STAU2: variants seen among roughly 807,000 people sequenced by gnomAD.
STAU2 encodes the protein double-stranded RNA-binding protein Staufen homolog 2.
In STAU2, 20 loss-of-function variants were observed where a neutral mutation model predicts 65.9. The ratio of observed to expected loss-of-function variants is 0.30; its 90% CI spans 0.21 to 0.44. The LOEUF (loss-of-function observed/expected upper bound fraction) is 0.44, where lower values mean the gene tolerates loss of function less well. Ranked by LOEUF, STAU2 falls within the 20% of genes least tolerant of loss-of-function variation. The probability of loss-of-function intolerance (pLI) is 1.00; values close to 1 mark genes in which losing one functional copy is unlikely to be tolerated. For missense variants in STAU2, 558 were observed against 683.9 expected, an observed-to-expected ratio of 0.82 and a Z score of 2.05; for synonymous variants, 232 against 233.9, an observed-to-expected ratio of 0.99 and a Z score of 0.07.
At chr8:73,676,330 G>A (rs1232242128) in intron 5 of STAU2, among the ~76,000 whole-genome samples, 1 of 152,136 alleles carries the variant, frequency 6.6e-6, no homozygotes, top group Non-Finnish European at 1.5e-5. Flanking sequence ...TCAATAAATG[G>A]TGCTGGATTA....
chr8:73,433,818 G>A (rs189716678), intron 13 of STAU2, among the ~76,000 whole-genome samples: 1 of 151,824 alleles, frequency 6.6e-6, no homozygotes, highest in Admixed American at 6.5e-5. Context: ...AATTATTTTT[G>A]ATTCAACACA....
intron 13 of STAU2, among the ~76,000 whole-genome samples, chr8:73,485,141 CTTTTTTTTTTTTTTT>C (rs10524978): frequency 6.4e-4 from 53 of 82,854 alleles, no homozygotes; most frequent in Non-Finnish European, 9.1e-4. Flanking sequence ...CATCCTTACT[CTTTTTTTTTTTTTTT>C]TTTTTTTTTT....
In STAU2 at chr8:73,481,278, G is replaced by A. The variant is rs1009409490; in HGVS notation, c.1531-58576C>T. ...CTTGGGGTTTTAGTTTTGGAACCCT[G>A]CACAGCCAGCGCAAAGCCAGAGTCT... On this transcript the variant is annotated intron_variant, in intron 13 of 14. Coordinates refer to ENST00000524300, the MANE Select transcript of STAU2 (RefSeq NM_001164380.2). Among the ~76,000 whole-genome samples, 5 of 151,790 alleles carry A rather than the reference G, an allele frequency of 3.3e-5. No individual in the cohort carries two copies. The South Asian group carries it at 1.0e-3, about 32-fold the overall frequency.
chr8:73,622,475 CAGG>C (rs779742550), intron 6 of STAU2, among the ~76,000 whole-genome samples: 6 of 152,112 alleles, frequency 3.9e-5, no homozygotes, highest in Non-Finnish European at 7.4e-5. Context: ...CCTGGTGAGG[CAGG>C]AGATGTCCCC....
At chr8:73,454,770 G>A (rs913150657) in intron 13 of STAU2, among the ~76,000 whole-genome samples, 3 of 152,346 alleles carry the variant, frequency 2.0e-5, no homozygotes, top group South Asian at 2.1e-4. Context: ...CTTTCAAGCC[G>A]TGATTAATAT....
chr8:73,695,578 C>T (rs1819640717), intron 4 of STAU2, among the ~76,000 whole-genome samples: 1 of 152,124 alleles, frequency 6.6e-6, no homozygotes, highest in Admixed American at 6.5e-5. Context: ...GAAAAGCAGA[C>T]AGAAAAGTAA....
intron 13 of STAU2, among the ~76,000 whole-genome samples, chr8:73,436,631 G>A (rs74763505): frequency 6.7e-6 from 1 of 149,352 alleles, no homozygotes; most frequent in Non-Finnish European, 1.5e-5. Flanking sequence ...CTGTCACCCA[G>A]GCTGGAGTGC....
chr8:73,605,836 TACACATACACACAC>T (rs1811968690), intron 9 of STAU2, among the ~76,000 whole-genome samples: 1 of 78,594 alleles, frequency 1.3e-5, no homozygotes, highest in Admixed American at 1.4e-4. Context: ...TATACACACA[TACACATACACACAC>T]ACACACACAC....
At chr8:73,662,165 T>A (rs534367590) in intron 6 of STAU2, among the ~76,000 whole-genome samples, 2 of 152,338 alleles carry the variant, frequency 1.3e-5, no homozygotes, top group South Asian at 4.1e-4. Context: ...TTGAGCATCT[T>A]TTCATGTGTT....
intron 3 of STAU2, among the ~76,000 whole-genome samples, chr8:73,730,767 C>T (rs1586370095): frequency 2.1e-5 from 3 of 143,712 alleles, no homozygotes; most frequent in Non-Finnish European, 4.6e-5. Context: ...AAAAAGAATA[C>T]ATATTTTGCT....
intron 13 of STAU2, among the ~76,000 whole-genome samples, chr8:73,426,717 T>C (rs1360382371): frequency 2.0e-5 from 3 of 152,152 alleles, no homozygotes; most frequent in African/African-American, 4.8e-5. Context: ...TGTTGTGTGC[T>C]CTTTTCATTG....
At chr8:73,439,217 C>G in intron 13 of STAU2, 1 of 354,928 alleles carries the variant, frequency 2.8e-6, no homozygotes, top group Admixed American at 3.7e-5. Flanking sequence ...CAGCTGGCAC[C>G]GTGAGCTGGC....
At chr8:73,440,403 C>G (rs1585759351) in intron 13 of STAU2, 1 of 152,206 alleles carries the variant, frequency 6.6e-6, no homozygotes, top group African/African-American at 2.4e-5. Context: ...ATTACCATCC[C>G]CAAACCACTC....
At chr8:73,647,829 C>A (rs1025686641) in intron 6 of STAU2, among the ~76,000 whole-genome samples, 2 of 152,172 alleles carry the variant, frequency 1.3e-5, no homozygotes, top group African/African-American at 4.8e-5. Flanking sequence ...ATCTGTCCCA[C>A]CTGGGCCTTT....
At chr8:73,436,445 T>C (rs1817690637) in intron 13 of STAU2, among the ~76,000 whole-genome samples, 1 of 151,928 alleles carries the variant, frequency 6.6e-6, no homozygotes, top group South Asian at 2.1e-4. Context: ...CGTATATTTA[T>C]CTATTTATAT....
intron 10 of STAU2, among the ~76,000 whole-genome samples, chr8:73,601,637 C>T (rs567690425): frequency 2.0e-5 from 3 of 152,280 alleles, no homozygotes; most frequent in South Asian, 2.1e-4. Context: ...AATGAATCCA[C>T]TGGGGCTTCC....
At chr8:73,565,140 G>A (rs1053873427) in intron 12 of STAU2, among the ~76,000 whole-genome samples, 6 of 152,214 alleles carry the variant, frequency 3.9e-5, no homozygotes, top group Admixed American at 3.9e-4. Flanking sequence ...GTTTGGCTCT[G>A]AGTCTGCACC....
intron 5 of STAU2, among the ~76,000 whole-genome samples, chr8:73,673,811 C>T (rs56328433): frequency 0.2 from 30,678 of 151,730 alleles, 3,449 homozygotes; most frequent in East Asian, 0.37. Flanking sequence ...AAGATACGTA[C>T]AAGTAGCATT....
rs374114192 is a variant in STAU2 at position 73,549,995 on chromosome 8, G to T, written c.1530+2017C>A. On this transcript the variant is annotated intron_variant, in intron 13 of 14. Transcript: ENST00000524300. ...AGGCTTTAAAACTTTTAACCACAAA[G>T]AACCTTCTGCTGCGACATTATGAAG... 42 of 985,668 alleles carry T rather than the reference G, an allele frequency of 4.3e-5. No individual in the cohort carries two copies. The South Asian group carries it at 1.7e-3, about 40-fold the overall frequency. The allele number at this position is 985,668 out of a possible 1,614,324, so 61.1% of individuals were successfully genotyped here.
Sources: allele counts gnomAD v4.1 joint callset (sites outside exome capture counted in the v4.1 genomes callset), GRCh38; gene constraint gnomAD v4.1.1; transcripts MANE v1.5; gene names NCBI Gene and HGNC (gene_info 2026-07-23, HGNC 2026-07-21).